The following ABHD13 variants were observed in gnomAD, a reference collection of about 807,000 sequenced individuals.
ABHD13 encodes abhydrolase domain containing 13.
In ABHD13, 7 loss-of-function variants were observed where a neutral mutation model predicts 25.2. The observed-to-expected ratio is 0.28, with a 90% CI of 0.16 to 0.52. The LOEUF (loss-of-function observed/expected upper bound fraction) is 0.52. ABHD13 is among the 20% of genes least tolerant of loss of function. The pLI, the probability that ABHD13 is intolerant of heterozygous loss-of-function variation, is 0.96. For missense variants in ABHD13, 302 were observed against 402.7 expected (o/e 0.75, Z 2.14); for synonymous variants, 133 against 136.1 (o/e 0.98, Z 0.16).
intron 1 of ABHD13, among the ~76,000 whole-genome samples, chr13:108,226,986 C>G (rs913753857): frequency 6.6e-6 from 1 of 152,058 alleles, no homozygotes; most frequent in Non-Finnish European, 1.5e-5. Context: ...CCCACGCACT[C>G]CGCCACCCCA....
At chr13:108,228,719 G>A (rs990812345) in intron 1 of ABHD13, among the ~76,000 whole-genome samples, 1 of 151,662 alleles carries the variant, frequency 6.6e-6, no homozygotes, top group African/African-American at 2.4e-5. Flanking sequence ...TTTCTGAACT[G>A]CCTTTTCAGT....
At chr13:108,226,077 G>A (rs532900340) in intron 1 of ABHD13, among the ~76,000 whole-genome samples, 3 of 152,298 alleles carry the variant, frequency 2.0e-5, no homozygotes, top group Admixed American at 6.5e-5. Context: ...ACTAGTAGCA[G>A]TGGTCTTGGG....
intron 1 of ABHD13, among the ~76,000 whole-genome samples, chr13:108,223,815 A>C: frequency 6.6e-6 from 1 of 152,250 alleles, no homozygotes; most frequent in East Asian, 1.9e-4. Context: ...TCTCAGATTT[A>C]ATAGAGCCCT....
intron 1 of ABHD13, among the ~76,000 whole-genome samples, chr13:108,226,468 C>T (rs1274677090): frequency 6.6e-6 from 1 of 152,142 alleles, no homozygotes; most frequent in East Asian, 1.9e-4. Context: ...TTTTACTACA[C>T]TGTTGCTTAG....
In ABHD13 at chr13:108,233,040, C is replaced by T. The variant is rs546220992; in HGVS notation, c.*2808C>T. On this transcript the variant is annotated 3_prime_UTR_variant, in exon 2 of 2. Transcript: ENST00000375898. Reference sequence around the variant, plus strand: ...AAAGTGACTGGAGCACTTGCCATTGCAACAACCCTGTTTTTGCAATTAGGT... The same window carrying T: ...AAAGTGACTGGAGCACTTGCCATTGTAACAACCCTGTTTTTGCAATTAGGT... 1 of 166,940 alleles carries T rather than the reference C, an allele frequency of 6.0e-6. No individual in the cohort carries two copies. Among genetic ancestry groups the T allele is most frequent in the East Asian group, 1.9e-4 (1 of 5,176 alleles). 10.3% of individuals were successfully genotyped at this position (166,940 alleles called of 1,614,324 possible). A position where few individuals can be genotyped will look rare whatever the true frequency, so the allele number is the denominator to read the frequency against.
intron 1 of ABHD13, among the ~76,000 whole-genome samples, chr13:108,223,014 G>A (rs1284898494): frequency 1.3e-5 from 2 of 152,200 alleles, no homozygotes; most frequent in African/African-American, 2.4e-5. Context: ...CTTCCTTAAA[G>A]GTCAGTTATA....
At position 108,230,839 on chromosome 13, in the gene ABHD13, C is replaced by T. The variant is rs1879787761; in HGVS notation, c.*607C>T. 1 of 166,760 alleles carries T rather than the reference C, an allele frequency of 6.0e-6. No individual in the cohort carries two copies. Among genetic ancestry groups the T allele is most frequent in the African/African-American group, 2.4e-5 (1 of 41,398 alleles). The allele number at this position is 166,760 out of a possible 1,614,324, so 10.3% of individuals were successfully genotyped here. ...GAAATTGAGACTTATGTGCAGGTTG[C>T]CATTGAATTTTGCTCTGGTGAATGC... On this transcript the variant is annotated 3_prime_UTR_variant, in exon 2 of 2. Coordinates refer to ENST00000375898, the MANE Select transcript of ABHD13 (RefSeq NM_032859.3).
intron 1 of ABHD13, among the ~76,000 whole-genome samples, chr13:108,226,181 A>C (rs1355893784): frequency 6.6e-6 from 1 of 151,804 alleles, no homozygotes; most frequent in Non-Finnish European, 1.5e-5. Flanking sequence ...CCAACATGTC[A>C]GTGTTAGGTA....
chr13:108,227,195 A>G (rs1006231891), intron 1 of ABHD13, among the ~76,000 whole-genome samples: 3 of 152,160 alleles, frequency 2.0e-5, no homozygotes, highest in Non-Finnish European at 4.4e-5. Flanking sequence ...ATTCCTAGCC[A>G]GTAATAGACC....
chr13:108,232,318 G>A lies in ABHD13; in HGVS notation c.*2086G>A, dbSNP rs918400484. ...TTCAAAAATTGTAGAGTACTTGTTTGGCGTTCCCTACCTTCATTCTCTTAG... is the reference window on the plus strand; with the variant it reads ...TTCAAAAATTGTAGAGTACTTGTTTAGCGTTCCCTACCTTCATTCTCTTAG... On this transcript the variant is annotated 3_prime_UTR_variant, in exon 2 of 2. Coordinates refer to ENST00000375898, the MANE Select transcript of ABHD13 (RefSeq NM_032859.3). The A allele has an allele frequency of 1.8e-5, 3 of 166,740 alleles. No individual in the cohort carries two copies. The highest frequency in any genetic ancestry group is 6.6e-5 in the Admixed American group (1 of 15,236). The allele number at this position is 166,740 out of a possible 1,614,324, so 10.3% of individuals were successfully genotyped here.
At chr13:108,223,800 A>G (rs949914359) in intron 1 of ABHD13, among the ~76,000 whole-genome samples, 8 of 152,250 alleles carry the variant, frequency 5.3e-5, no homozygotes, top group Non-Finnish European at 5.9e-5. Flanking sequence ...ACTGGCATAG[A>G]AAGATCTCAG....
At position 108,233,385 on chromosome 13, in the gene ABHD13, T is replaced by G. The variant is rs901946631; in HGVS notation, c.*3153T>G. On this transcript the variant is annotated 3_prime_UTR_variant, in exon 2 of 2. Transcript: ENST00000375898. ...AGAGCAGTTTATATTAAGGAGACCC[T>G]TTTCTCCTTGAGGATAGGGATAGGT... The G allele has an allele frequency of 3.0e-5, 5 of 166,860 alleles. No homozygotes were observed. Among genetic ancestry groups the G allele is most frequent in the African/African-American group, 1.2e-4 (5 of 41,436 alleles). 10.3% of individuals were successfully genotyped at this position (166,860 alleles called of 1,614,324 possible). A position where few individuals can be genotyped will look rare whatever the true frequency, so the allele number is the denominator to read the frequency against.
At chr13:108,227,483 T>C (rs1208505745) in intron 1 of ABHD13, among the ~76,000 whole-genome samples, 4 of 152,110 alleles carry the variant, frequency 2.6e-5, no homozygotes, top group African/African-American at 9.7e-5. Flanking sequence ...AGTTCATTAG[T>C]TGAAAATTTA....
chr13:108,226,593 C>T (rs1220586611), intron 1 of ABHD13, among the ~76,000 whole-genome samples: 1 of 152,148 alleles, frequency 6.6e-6, no homozygotes, highest in African/African-American at 2.4e-5. Flanking sequence ...CGTTTACTCA[C>T]ACTAATTTAT....
chr13:108,222,823 G>A (rs1879596642), intron 1 of ABHD13, among the ~76,000 whole-genome samples: 1 of 152,192 alleles, frequency 6.6e-6, no homozygotes, highest in Admixed American at 6.5e-5. Context: ...AGAGGTGTGG[G>A]ATTATATTTT....
Position 108,231,965 on chromosome 13 carries a change from A to G in ABHD13, c.*1733A>G, listed in dbSNP as rs1165078304. On this transcript the variant is annotated 3_prime_UTR_variant, in exon 2 of 2. Transcript: ENST00000375898. ...TATTTTGTATGTATAAATTCACCAC[A>G]ATTAAAGATTATTCTTGTCAGTCCT... 3 of 166,886 alleles carry G rather than the reference A, an allele frequency of 1.8e-5. No homozygotes were observed. Among genetic ancestry groups the G allele is most frequent in the East Asian group, 1.9e-4 (1 of 5,198 alleles). 10.3% of individuals were successfully genotyped at this position (166,886 alleles called of 1,614,324 possible). A position where few individuals can be genotyped will look rare whatever the true frequency, so the allele number is the denominator to read the frequency against.
At chr13:108,219,694 TC>T (rs1435834007) in intron 1 of ABHD13, among the ~76,000 whole-genome samples, 2 of 152,128 alleles carry the variant, frequency 1.3e-5, no homozygotes, top group East Asian at 3.9e-4. Context: ...TAGGACGAGG[TC>T]TCTGTCATCG....
At position 108,231,968 on chromosome 13, in the gene ABHD13, T is replaced by C. The variant is rs1044289462; in HGVS notation, c.*1736T>C. On this transcript the variant is annotated 3_prime_UTR_variant, in exon 2 of 2. Coordinates refer to ENST00000375898, the MANE Select transcript of ABHD13 (RefSeq NM_032859.3). ...TTTGTATGTATAAATTCACCACAAT[T>C]AAAGATTATTCTTGTCAGTCCTTGC... 6.0e-6 allele frequency: 1 copy of C among 166,890 alleles called. No individual in the cohort carries two copies. The highest frequency in any genetic ancestry group is 6.6e-5 in the Admixed American group (1 of 15,228). The allele number at this position is 166,890 out of a possible 1,614,324, so 10.3% of individuals were successfully genotyped here. A position where few individuals can be genotyped will look rare whatever the true frequency, so the allele number is the denominator to read the frequency against.
At chr13:108,218,891 G>A (rs1879464894) in intron 1 of ABHD13, among the ~76,000 whole-genome samples, 1 of 152,022 alleles carries the variant, frequency 6.6e-6, no homozygotes, top group African/African-American at 2.4e-5. Context: ...CCCCGACTCC[G>A]CTCACCACTC....
Sources: gnomAD v4.1 joint callset for allele counts (sites outside exome capture counted in the v4.1 genomes callset) on GRCh38, gnomAD v4.1.1 for gene constraint, MANE v1.5 for transcripts, NCBI Gene and HGNC (gene_info 2026-07-23, HGNC 2026-07-21) for gene names.